TRAF3: variants seen among roughly 807,000 people sequenced by gnomAD.
TRAF3 encodes the protein TNF receptor associated factor 3.
A neutral mutation model predicts 62.3 loss-of-function variants in TRAF3; 13 were observed. The observed-to-expected ratio is 0.21, with a 90% CI of 0.14 to 0.33. The LOEUF (loss-of-function observed/expected upper bound fraction) is 0.33. Among genes scored for constraint, TRAF3 ranks in the 10% least tolerant of loss-of-function variants. The pLI is 1.00. For synonymous variants in TRAF3, 269 were observed against 283.4 expected, an observed-to-expected ratio of 0.95 and a Z score of 0.51; for missense variants, 440 against 741.8, an observed-to-expected ratio of 0.59 and a Z score of 4.73.
Position 102,903,716 on chromosome 14 carries a change from G to A in TRAF3, c.1135+287G>A. ...TGCAAAGCCCTCCTGGGAGAGACTG[G>A]CCGCAGGGTGACCCACAGGACAGGC... On this transcript the variant is annotated intron_variant, in intron 11 of 11. Transcript: ENST00000392745. The surrounding 1 kb of genome is among the most constrained non-coding windows in gnomAD (Gnocchi z 6.4). The A allele has an allele frequency of 1.8e-6, 1 of 553,986 alleles. No homozygotes were observed. Among genetic ancestry groups the A allele is most frequent in the East Asian group, 4.4e-5 (1 of 22,896 alleles). 34.3% of individuals were successfully genotyped at this position (553,986 alleles called of 1,614,324 possible).
intron 10 of TRAF3, among the ~76,000 whole-genome samples, chr14:102,899,696 C>G (rs1335267275): frequency 2.0e-5 from 3 of 152,136 alleles, no homozygotes; most frequent in Non-Finnish European, 4.4e-5. Flanking sequence ...GTCTGATTCT[C>G]CAGTAGACCC....
chr14:102,842,891 A>C (rs1032824222), intron 2 of TRAF3, among the ~76,000 whole-genome samples: 2 of 152,200 alleles, frequency 1.3e-5, no homozygotes, highest in African/African-American at 4.8e-5. Context: ...ATGAAGGATA[A>C]ATTTTTATTT....
intron 1 of TRAF3, among the ~76,000 whole-genome samples, chr14:102,825,060 A>C (rs559606483): frequency 6.6e-6 from 1 of 152,334 alleles, no homozygotes; most frequent in South Asian, 2.1e-4. Context: ...TGGGATCCAG[A>C]AGGAGTGAGC....
At chr14:102,882,604 A>C (rs749256525) in intron 6 of TRAF3, among the ~76,000 whole-genome samples, 1 of 144,396 alleles carries the variant, frequency 6.9e-6, no homozygotes. Context: ...CCTTATTCTC[A>C]TCCCCTGAGG....
In TRAF3 at chr14:102,828,284, C is replaced by T. The variant is rs916905902; in HGVS notation, c.-156-2050C>T. Among the ~76,000 whole-genome samples, 69 of 152,222 alleles carry T rather than the reference C, an allele frequency of 4.5e-4. 1 individual carries two copies. The highest frequency in any genetic ancestry group is 1.0e-3 in the Admixed American group (16 of 15,280). ...AGCTTTCAGAAAGACTGCAATGCAG[C>T]GGTTACCAAAGTCCTTGTTAATATG... On this transcript the variant is annotated intron_variant, in intron 1 of 11. Coordinates refer to ENST00000392745, the MANE Select transcript of TRAF3 (RefSeq NM_145725.3).
intron 1 of TRAF3, among the ~76,000 whole-genome samples, chr14:102,784,771 G>A (rs755564935): frequency 2.9e-4 from 44 of 152,154 alleles, no homozygotes; most frequent in African/African-American, 7.0e-4. Context: ...TTGTGGAGGC[G>A]CTGTGCAGTT....
At chr14:102,845,400 A>G (rs1299534824) in intron 2 of TRAF3, among the ~76,000 whole-genome samples, 1 of 150,720 alleles carries the variant, frequency 6.6e-6, no homozygotes, top group Non-Finnish European at 1.5e-5. Context: ...ATGGGGTTTC[A>G]CCATGTTGGT....
intron 6 of TRAF3, among the ~76,000 whole-genome samples, chr14:102,884,358 C>G (rs768663968): frequency 1.3e-5 from 2 of 152,146 alleles, no homozygotes; most frequent in African/African-American, 2.4e-5. Context: ...CTTCAGAAAT[C>G]TTATTTCCAA....
intron 1 of TRAF3, among the ~76,000 whole-genome samples, chr14:102,822,396 C>T (rs761463289): frequency 1.7e-4 from 26 of 152,146 alleles, no homozygotes; most frequent in Non-Finnish European, 3.2e-4. Flanking sequence ...CTTAAATTAC[C>T]TATGTTGTCA....
intron 1 of TRAF3, among the ~76,000 whole-genome samples, chr14:102,789,514 G>A (rs975193030): frequency 3.3e-5 from 5 of 151,906 alleles, no homozygotes; most frequent in Non-Finnish European, 5.9e-5. Context: ...ATGTGCCGAC[G>A]TCATAACAAG....
At chr14:102,860,909 A>G (rs748666850) in intron 2 of TRAF3, among the ~76,000 whole-genome samples, 10 of 152,272 alleles carry the variant, frequency 6.6e-5, no homozygotes, top group South Asian at 2.1e-4. Flanking sequence ...ACAAAGAGAA[A>G]GTACTGCCAT....
chr14:102,795,596 A>ATGTGTGTGTGTGTGTGTG (rs1189667975), intron 1 of TRAF3, among the ~76,000 whole-genome samples: 121 of 129,246 alleles, frequency 9.4e-4, no homozygotes, highest in South Asian at 2.1e-3. Context: ...TGATATGTAT[A>ATGTGTGTGTGTGTGTGTG]TATGTGTGTG....
At chr14:102,794,930 A>G (rs1382547406) in intron 1 of TRAF3, among the ~76,000 whole-genome samples, 2 of 152,052 alleles carry the variant, frequency 1.3e-5, no homozygotes, top group Admixed American at 1.3e-4. Context: ...TTTTCTTCCT[A>G]TTACTAGTTC....
chr14:102,884,971 T>C (rs1889290931), intron 6 of TRAF3, among the ~76,000 whole-genome samples: 1 of 151,840 alleles, frequency 6.6e-6, no homozygotes. Flanking sequence ...ATACTGGGAG[T>C]GGAGACTGGT....
intron 6 of TRAF3, among the ~76,000 whole-genome samples, chr14:102,878,749 C>T (rs1044184908): frequency 6.6e-6 from 1 of 152,030 alleles, no homozygotes; most frequent in African/African-American, 2.4e-5. Flanking sequence ...ACTGGCAGGG[C>T]TGTGGGGTTC....
At chr14:102,850,710 A>AAAAT (rs1886984196) in intron 2 of TRAF3, among the ~76,000 whole-genome samples, 1 of 151,700 alleles carries the variant, frequency 6.6e-6, no homozygotes. Flanking sequence ...AAAAAAAAAA[A>AAAAT]AAGTTACAGC....
At position 102,852,303 on chromosome 14, in the gene TRAF3, T is replaced by C. The variant is rs778647237; in HGVS notation, c.-17-17882T>C. On this transcript the variant is annotated intron_variant, in intron 2 of 11. Coordinates refer to ENST00000392745, the MANE Select transcript of TRAF3 (RefSeq NM_145725.3). ...ATTTAGAAAAAATTAGCCTTTTAGT[T>C]TTAGGAGCTTTCTTTTACAGTGATA... Among the ~76,000 whole-genome samples, 288 of 152,140 alleles carry C rather than the reference T, an allele frequency of 1.9e-3. 4 individuals are homozygous for C. Among genetic ancestry groups the C allele is most frequent in the Non-Finnish European group, 4.7e-4 (32 of 67,998 alleles).
chr14:102,910,778 C>T lies in TRAF3; in HGVS notation c.*4994C>T, dbSNP rs1890828446. The stretch of plus-strand genomic sequence containing the variant: ...GTGTCTAGTCTGTCTTGTGAACTCT[C>T]ACCGTGAAAAGAGGCTAGAAGTCCA... On this transcript the variant is annotated 3_prime_UTR_variant, in exon 12 of 12. Coordinates refer to ENST00000392745, the MANE Select transcript of TRAF3 (RefSeq NM_145725.3). 1 of 152,270 alleles carries T rather than the reference C, an allele frequency of 6.6e-6. No individual in the cohort carries two copies. The highest frequency in any genetic ancestry group is 2.4e-5 in the African/African-American group (1 of 41,470). 9.4% of individuals were successfully genotyped at this position (152,270 alleles called of 1,614,324 possible).
intron 2 of TRAF3, among the ~76,000 whole-genome samples, chr14:102,835,679 C>T (rs1276447734): frequency 6.6e-6 from 1 of 152,162 alleles, no homozygotes; most frequent in Non-Finnish European, 1.5e-5. Context: ...CGAATGTTCT[C>T]ACTTATAAGT....
Sources: gnomAD v4.1 joint callset for allele counts (sites outside exome capture counted in the v4.1 genomes callset) on GRCh38, gnomAD v4.1.1 for gene constraint, Gnocchi (gnomAD v3.1) non-coding constraint, MANE v1.5 for transcripts, NCBI Gene and HGNC (gene_info 2026-07-23, HGNC 2026-07-21) for gene names.